The following PPP2R3B variants were observed in gnomAD, a reference collection of about 807,000 sequenced individuals.
PPP2R3B encodes serine/threonine-protein phosphatase 2A regulatory subunit B'' subunit beta.
In PPP2R3B, 68 loss-of-function variants were observed where a neutral mutation model predicts 72.9. The ratio of observed to expected loss-of-function variants is 0.93; its 90% confidence interval spans 0.77 to 1.14. The LOEUF (loss-of-function observed/expected upper bound fraction) is 1.14, where lower values mean the gene tolerates loss of function less well. Ranked by LOEUF, PPP2R3B falls within the 50% of genes most tolerant of loss-of-function variation. The pLI, the probability that PPP2R3B is intolerant of heterozygous loss-of-function variation, is 0.00. For missense variants in PPP2R3B, 1,018 were observed against 842.0 expected (o/e 1.21, Z -2.59); for synonymous variants, 466 against 375.8 (o/e 1.24, Z -2.78).
At chrX:347,085 C>A in intron 4 of PPP2R3B, 149 bp downstream of exon 4, 1 of 949,794 alleles carries the variant, frequency 1.1e-6, no homozygotes, top group Non-Finnish European at 1.6e-6. Flanking sequence ...TAGACGCGGG[C>A]CCTCCCATGA....
rs2071536501 is a variant in PPP2R3B at position 361,407 on chromosome X, T to C, written c.508A>G (p.Lys170Glu). The C allele has an allele frequency of 1.2e-6, 2 of 1,613,866 alleles. No homozygotes were observed. The highest frequency in any genetic ancestry group is 1.1e-5 in the South Asian group (1 of 91,082). Residue 170 changes from lysine (K) to glutamate (E), a missense_variant and splice_region_variant, in exon 2 of 13, where the codon AAG (lysine) becomes GAG (glutamate). Physicochemically the swap from Lys to Glu is moderately conservative, Grantham distance 56 (BLOSUM62 1). Coordinates refer to ENST00000390665, the MANE Select transcript of PPP2R3B (RefSeq NM_013239.5). Reference sequence around the variant, plus strand: ...CACGTCCCACGCGTGACACGTACCTTGGCCACCAGGCCCATGTCATCCATG... The same window carrying C: ...CACGTCCCACGCGTGACACGTACCTCGGCCACCAGGCCCATGTCATCCATG... ...ATMDDMGLVAKACGCPLYWKG... is the reference protein window; with the variant it reads ...ATMDDMGLVAEACGCPLYWKG...
intron 1 of PPP2R3B, among the ~76,000 whole-genome samples, chrX:382,498 T>A (rs1193564258): frequency 6.9e-6 from 1 of 145,842 alleles, no homozygotes; most frequent in Non-Finnish European, 1.5e-5. Context: ...GAGCCTGGTC[T>A]CATTTTCACC....
chrX:379,278 CCTGTGTGTATGTAT>C (rs1187849986), intron 1 of PPP2R3B, among the ~76,000 whole-genome samples: 26 of 139,618 alleles, frequency 1.9e-4, no homozygotes, highest in Non-Finnish European at 7.6e-5. Flanking sequence ...TGTGTATGCA[CCTGTGTGTATGTAT>C]CTGTGTGTAT....
intron 1 of PPP2R3B, among the ~76,000 whole-genome samples, chrX:362,008 C>G (rs2071552129): frequency 6.6e-6 from 1 of 152,190 alleles, no homozygotes; most frequent in Non-Finnish European, 1.5e-5. Context: ...CCTGAGAGCT[C>G]AGACGTGGAG....
At chrX:358,982 C>A (rs1037588470) in intron 2 of PPP2R3B, among the ~76,000 whole-genome samples, 8 of 146,752 alleles carry the variant, frequency 5.5e-5, no homozygotes, top group African/African-American at 1.8e-4. Flanking sequence ...GGGGAAGCAC[C>A]GCGGCCGGGG....
intron 1 of PPP2R3B, among the ~76,000 whole-genome samples, chrX:367,650 A>G (rs1011311595): frequency 6.6e-5 from 10 of 152,234 alleles, no homozygotes; most frequent in African/African-American, 2.4e-4. Context: ...GAAAAAGAGC[A>G]GGAGACAGAG....
In PPP2R3B at chrX:340,897, C is replaced by A. The variant is rs763524990; in HGVS notation, c.1219G>T (p.Ala407Ser). The part of the protein sequence containing the change: ...FRCMDLDGDG[A>S]LSMFELEYFY... ...TACTCGAGCTCGAACATGGACAGGG[C>A]GCCGTCCCCGTCCAGGTCCATGCAG... Residue 407 changes from alanine (A) to serine (S), a missense_variant, in exon 10 of 13, where the codon GCC (alanine) becomes TCC (serine). By Grantham distance (99) the Ala-to-Ser change is moderately conservative (BLOSUM62 1). Coordinates refer to ENST00000390665, the MANE Select transcript of PPP2R3B (RefSeq NM_013239.5). The A allele has an allele frequency of 3.1e-6, 5 of 1,611,900 alleles. No individual in the cohort carries two copies. Among genetic ancestry groups the A allele is most frequent in the Non-Finnish European group, 3.4e-6 (4 of 1,179,662 alleles).
At position 346,714 on chromosome X, in the gene PPP2R3B, C is replaced by G; in HGVS notation, c.779G>C (p.Arg260Pro). Residue 260 changes from arginine (R) to proline (P), a missense_variant, in exon 5 of 13, where the codon CGC (arginine) becomes CCC (proline). Physicochemically the swap from Arg to Pro is moderately radical, Grantham distance 103. Coordinates refer to ENST00000390665, the MANE Select transcript of PPP2R3B (RefSeq NM_013239.5). ...FLKEASEFHS[R>P]YITTVIQRIF... ...CTGGGGACCCACCGTGGTGATGTAG[C>G]GCGAGTGGAACTCGGACGCCTCCTT... 6.2e-7 allele frequency: 1 copy of G among 1,609,600 alleles called. No individual in the cohort carries two copies. The highest frequency in any genetic ancestry group is 8.5e-7 in the Non-Finnish European group (1 of 1,178,350).
At position 338,915 on chromosome X, in the gene PPP2R3B, G is replaced by T; in HGVS notation, c.1352-19C>A. On this transcript the variant is annotated intron_variant, in intron 10 of 12. Transcript: ENST00000390665. ...ATCTTCCCTGCGGGGAGGGGAGTGC[G>T]TCCAAGGCGCGTGAGCCCGGTCTCA... 1 of 1,604,238 alleles carries T rather than the reference G, an allele frequency of 6.2e-7. No individual in the cohort carries two copies. Among genetic ancestry groups the T allele is most frequent in the Non-Finnish European group, 8.5e-7 (1 of 1,172,632 alleles).
At chrX:367,009 C>CA (rs2071730931) in intron 1 of PPP2R3B, among the ~76,000 whole-genome samples, 1 of 150,060 alleles carries the variant, frequency 6.7e-6, no homozygotes, top group African/African-American at 2.5e-5. Context: ...GCCTGGGTGA[C>CA]AGAGTGAGAC....
At chrX:373,641 C>T (rs1036165210) in intron 1 of PPP2R3B, 74 of 278,150 alleles carry the variant, frequency 2.7e-4, no homozygotes, top group African/African-American at 1.6e-3. Flanking sequence ...GCGCAGCGAG[C>T]GCTCGCGGAG....
At chrX:351,864 AT>A (rs1355699548) in intron 2 of PPP2R3B, among the ~76,000 whole-genome samples, 1 of 151,930 alleles carries the variant, frequency 6.6e-6, no homozygotes, top group Non-Finnish European at 1.5e-5. Context: ...TGCCTGGGTA[AT>A]TTTTTTAATT....
chrX:347,240 G>C lies in PPP2R3B; in HGVS notation c.711C>G (p.Phe237Leu). 2 of 1,613,526 alleles carry C rather than the reference G, an allele frequency of 1.2e-6. No homozygotes were observed. The highest frequency in any genetic ancestry group is 1.7e-6 in the Non-Finnish European group (2 of 1,179,702). ...NYLVQEDFVP[F>L]LQDVVNTHPG... is the part of the protein sequence containing the mutation. Reference sequence around the variant, plus strand: ...TGTAGACGCAGGCTCTCACCTGCAAGAAGGGGACAAAGTCCTCCTGCACCA... The same window carrying C: ...TGTAGACGCAGGCTCTCACCTGCAACAAGGGGACAAAGTCCTCCTGCACCA... Residue 237 changes from phenylalanine to leucine, a missense_variant, in exon 4 of 13, where the codon TTC becomes TTG. By Grantham distance (22) the Phe-to-Leu change is conservative. Transcript: ENST00000390665.
At chrX:360,901 G>A (rs2071524078) in intron 2 of PPP2R3B, among the ~76,000 whole-genome samples, 2 of 152,220 alleles carry the variant, frequency 1.3e-5, no homozygotes, top group Non-Finnish European at 1.5e-5. Flanking sequence ...GAAAGCAGGC[G>A]GCGAATGATG....
intron 7 of PPP2R3B, among the ~76,000 whole-genome samples, chrX:342,438 G>A (rs2071104943): frequency 7.4e-6 from 1 of 135,134 alleles, no homozygotes; most frequent in Non-Finnish European, 1.6e-5. Flanking sequence ...GCGGGAGGGA[G>A]ACCTCAGCAA....
intron 7 of PPP2R3B, among the ~76,000 whole-genome samples, chrX:343,741 C>G (rs1483981155): frequency 5.9e-5 from 4 of 68,134 alleles, no homozygotes; most frequent in Admixed American, 1.4e-4. Flanking sequence ...TGAGACCTCA[C>G]CAAGGAGACG....
rs372823307 is a variant in PPP2R3B, at chrX:334,351, G to A, written c.*16C>T. ...ACGTGGGGAGCGGCCCCGCGGCGGCGTTCTCGCGGGCGGCGTCACAGCGGC... is the reference window on the plus strand; with the variant it reads ...ACGTGGGGAGCGGCCCCGCGGCGGCATTCTCGCGGGCGGCGTCACAGCGGC... On this transcript the variant is annotated 3_prime_UTR_variant, in exon 13 of 13. Transcript: ENST00000390665. 1.2e-4 allele frequency: 169 copies of A among 1,464,096 alleles called. No homozygotes were observed. The highest frequency in any genetic ancestry group is 5.1e-4 in the Middle Eastern group (2 of 3,908). The allele number at this position is 1,464,096 out of a possible 1,614,324, so 90.7% of individuals were successfully genotyped here. A position where few individuals can be genotyped will look rare whatever the true frequency, so the allele number is the denominator to read the frequency against.
intron 10 of PPP2R3B, 69 bp from the exon 11 acceptor site, chrX:338,965 C>A: frequency 7.7e-7 from 1 of 1,303,576 alleles, no homozygotes; most frequent in South Asian, 1.2e-5. Flanking sequence ...GTGTGGGGTG[C>A]GCGCGTCCTG....
At chrX:386,215 T>G in intron 1 of PPP2R3B, 153 bp downstream of exon 1, 2 of 200,294 alleles carry the variant, frequency 1.0e-5, no homozygotes, top group Non-Finnish European at 1.7e-5. Context: ...TGTCTGTATG[T>G]GTGTGGTGGG....
Sources: allele counts gnomAD v4.1 joint callset (sites outside exome capture counted in the v4.1 genomes callset), GRCh38; gene constraint gnomAD v4.1.1; transcripts MANE v1.5; gene names NCBI Gene and HGNC (gene_info 2026-07-23, HGNC 2026-07-21).